The following SLC38A8 variants were observed in gnomAD, a reference collection of about 807,000 sequenced individuals.
SLC38A8 encodes the protein amino acid transporter SLC38A8.
In SLC38A8, 65 loss-of-function variants were observed where a neutral mutation model predicts 46.0. The observed-to-expected ratio is 1.41, with a 90% CI of 1.16 to 1.74. The LOEUF is 1.74. Among genes scored for constraint, SLC38A8 ranks in the 40% most tolerant of loss-of-function variants. The probability of loss-of-function intolerance (pLI) is 0.00; values close to 1 mark genes in which losing one functional copy is unlikely to be tolerated. For synonymous variants in SLC38A8, 447 were observed against 243.7 expected (o/e 1.83, Z -7.77); for missense variants, 998 against 567.9 (o/e 1.76, Z -7.70).
intron 6 of SLC38A8, among the ~76,000 whole-genome samples, chr16:84,028,830 G>A (rs1413128614): frequency 1.3e-5 from 2 of 152,012 alleles, no homozygotes; most frequent in African/African-American, 2.4e-5. Context: ...CCTGGGGTGC[G>A]CTTCCAGTCA....
At chr16:84,010,395 G>C (rs572751864) in intron 10 of SLC38A8, among the ~76,000 whole-genome samples, 1 of 151,828 alleles carries the variant, frequency 6.6e-6, no homozygotes, top group Non-Finnish European at 1.5e-5. Context: ...AAAGCCCTCC[G>C]ATCCCACCTG....
intron 7 of SLC38A8, 39 bp from the exon 8 acceptor site, chr16:84,017,326 G>A (rs1045918572): frequency 6.2e-7 from 1 of 1,608,676 alleles, no homozygotes; most frequent in Admixed American, 1.7e-5. Context: ...GAGTGGATTA[G>A]GAAAATGCTG....
At chr16:84,042,900 G>A (rs1218446870), upstream of SLC38A8, among the ~76,000 whole-genome samples, 2 of 152,164 alleles carry the variant, frequency 1.3e-5, no homozygotes, top group African/African-American at 4.8e-5. Context: ...AGCTGCCCTG[G>A]AGGGTGACAG....
intron 6 of SLC38A8, among the ~76,000 whole-genome samples, chr16:84,023,745 T>C (rs1469437893): frequency 1.3e-5 from 2 of 152,124 alleles, no homozygotes; most frequent in African/African-American, 4.8e-5. Flanking sequence ...AATACAAAAA[T>C]TAGCCGGGCA....
intron 6 of SLC38A8, among the ~76,000 whole-genome samples, chr16:84,027,532 G>C (rs1039365600): frequency 3.3e-5 from 5 of 152,208 alleles, no homozygotes; most frequent in African/African-American, 1.2e-4. Flanking sequence ...CTGTGTTTGA[G>C]TCAGGTCAGA....
Position 84,022,902 on chromosome 16 carries a change from G to A in SLC38A8, c.691-13C>T. The A allele has an allele frequency of 1.3e-6, 2 of 1,566,422 alleles. No individual in the cohort carries two copies. Among genetic ancestry groups the A allele is most frequent in the Non-Finnish European group, 1.7e-6 (2 of 1,158,872 alleles). On this transcript the variant is annotated splice_polypyrimidine_tract_variant and intron_variant, in intron 6 of 10. Transcript: ENST00000299709. The stretch of plus-strand genomic sequence containing the variant: ...CAGCTTCGTGACACTGTAAGACAGA[G>A]GGCGGCTCAGCAGGATGCTGGCTTC...
chr16:84,025,438 T>G (rs1002385851), intron 6 of SLC38A8, among the ~76,000 whole-genome samples: 1 of 152,164 alleles, frequency 6.6e-6, no homozygotes, highest in Non-Finnish European at 1.5e-5. Flanking sequence ...TGGGCTGGTT[T>G]CCTCTCTCAC....
intron 7 of SLC38A8, 86 bp downstream of exon 7, chr16:84,022,689 T>A: frequency 9.6e-7 from 1 of 1,046,238 alleles, no homozygotes; most frequent in East Asian, 2.5e-5. Context: ...CAGCACGTGG[T>A]AAACTCTCTA....
At chr16:84,038,532 C>A (rs1171016982) in intron 2 of SLC38A8, among the ~76,000 whole-genome samples, 2 of 152,182 alleles carry the variant, frequency 1.3e-5, no homozygotes, top group Admixed American at 6.6e-5. Flanking sequence ...CTCTGGCGTG[C>A]CTACCATGCA....
chr16:84,014,700 A>T (rs143559346), intron 9 of SLC38A8, among the ~76,000 whole-genome samples: 1 of 152,300 alleles, frequency 6.6e-6, no homozygotes, highest in African/African-American at 2.4e-5. Flanking sequence ...TCTTAATCCC[A>T]GTAGACCCCA....
In SLC38A8 at chr16:84,029,150, G is replaced by C. The variant is rs866447895; in HGVS notation, c.690+344C>G. Among the ~76,000 whole-genome samples the C allele has an allele frequency of 3.3e-5, 5 of 150,706 alleles. No individual in the cohort carries two copies. The South Asian group carries it at 1.0e-3, about 31-fold the overall frequency. ...GGGCAGCTTAGGCCTCCAGGCCTCAGGTCTGACTGCAGTCCTGTGGGGGTT... is the reference window on the plus strand; with the variant it reads ...GGGCAGCTTAGGCCTCCAGGCCTCACGTCTGACTGCAGTCCTGTGGGGGTT... On this transcript the variant is annotated intron_variant, in intron 6 of 10. Coordinates refer to ENST00000299709, the MANE Select transcript of SLC38A8 (RefSeq NM_001080442.3).
intron 2 of SLC38A8, chr16:84,041,306 C>T (rs1386935146): frequency 6.6e-6 from 1 of 152,366 alleles, no homozygotes; most frequent in Admixed American, 6.5e-5. Flanking sequence ...TCAATCTGCA[C>T]ACAGGAGTCG....
chr16:84,011,858 G>T (rs11862976), intron 10 of SLC38A8, among the ~76,000 whole-genome samples: 97,499 of 151,938 alleles, frequency 0.64, 33,251 homozygotes, highest in African/African-American at 0.88. Context: ...CACTCCAGCC[G>T]GAGCAACAGA....
rs2084932463 is a variant in SLC38A8 at position 84,009,719 on chromosome 16, T to A, written c.*65A>T. 1.4e-6 allele frequency: 2 copies of A among 1,397,266 alleles called. No individual in the cohort carries two copies. Among genetic ancestry groups the A allele is most frequent in the South Asian group, 2.5e-5 (2 of 80,022 alleles). The allele number at this position is 1,397,266 out of a possible 1,614,324, so 86.6% of individuals were successfully genotyped here. A position where few individuals can be genotyped will look rare whatever the true frequency, so the allele number is the denominator to read the frequency against. ...AAAGAAATGGCATCGGTCTCCTGGC[T>A]GCATACAGCAGCCACGTAGGGTCAG... On this transcript the variant is annotated 3_prime_UTR_variant, in exon 11 of 11. Coordinates refer to ENST00000299709, the MANE Select transcript of SLC38A8 (RefSeq NM_001080442.3).
intron 6 of SLC38A8, among the ~76,000 whole-genome samples, chr16:84,025,404 A>G (rs967529867): frequency 2.0e-5 from 3 of 151,902 alleles, no homozygotes; most frequent in African/African-American, 7.3e-5. Context: ...ACTCCTCTGC[A>G]CCCTCCTGGG....
intron 7 of SLC38A8, among the ~76,000 whole-genome samples, chr16:84,018,215 C>A (rs1396176644): frequency 6.7e-6 from 1 of 148,878 alleles, no homozygotes; most frequent in Non-Finnish European, 1.5e-5. Context: ...CTGACTCAGC[C>A]CTCATTCCTT....
intron 1 of SLC38A8, 80 bp downstream of exon 1, chr16:84,042,469 CCT>C (rs1014585745): frequency 1.5e-5 from 4 of 258,376 alleles, no homozygotes; most frequent in Non-Finnish European, 3.0e-5. Flanking sequence ...CCCCATCAAT[CCT>C]CTCTCCCCCC....
At chr16:84,012,584 C>G (rs2084967308) in intron 10 of SLC38A8, among the ~76,000 whole-genome samples, 1 of 152,194 alleles carries the variant, frequency 6.6e-6, no homozygotes, top group African/African-American at 2.4e-5. Flanking sequence ...AGCTCAGTGC[C>G]TAGCAGAGGA....
rs369454720 is a variant in SLC38A8 at position 84,013,422 on chromosome 16, G to GTTTTTTTTTTTTT, written c.1163-371_1163-370insAAAAAAAAAAAAA. On this transcript the variant is annotated intron_variant, in intron 9 of 10. Transcript: ENST00000299709. Reference sequence around the variant, plus strand: ...ACCATTACTTTCTTTTGTTGTGTGTGTGTTTTTTTTTTTTTTTTTTTTTTT... The same window carrying GTTTTTTTTTTTTT: ...ACCATTACTTTCTTTTGTTGTGTGTGTTTTTTTTTTTTTTGTTTTTTTTTTTTTTTTTTTTTTT... 3.7e-5 allele frequency among the ~76,000 whole-genome samples: 4 copies of GTTTTTTTTTTTTT among 108,700 alleles called. 1 individual carries two copies. Among genetic ancestry groups the GTTTTTTTTTTTTT allele is most frequent in the African/African-American group, 8.2e-5 (2 of 24,498 alleles). The allele number at this position is 108,700 out of a possible 152,430, so 71.3% of individuals were successfully genotyped here.
Sources: allele counts gnomAD v4.1 joint callset (sites outside exome capture counted in the v4.1 genomes callset), GRCh38; gene constraint gnomAD v4.1.1; transcripts MANE v1.5; gene names NCBI Gene and HGNC (gene_info 2026-07-23, HGNC 2026-07-21).